Variants in CADM2 observed in about 807,000 individuals in gnomAD.
The protein encoded by CADM2 is cell adhesion molecule 2, also known as immunoglobulin superfamily member 4D.
Under a neutral mutation model 49.8 loss-of-function variants are expected in CADM2, and 12 were observed. The observed-to-expected ratio is 0.24, with a 90% CI of 0.15 to 0.39. CADM2 has a LOEUF of 0.39. Among genes scored for constraint, CADM2 ranks in the 10% least tolerant of loss-of-function variants. The pLI is 1.00. For synonymous variants in CADM2, 214 were observed against 175.4 expected (o/e 1.22, Z -1.74); for missense variants, 378 against 492.3 (o/e 0.77, Z 2.20).
At chr3:85,031,320 G>A (rs2034967852) in intron 1 of CADM2, among the ~76,000 whole-genome samples, 2 of 152,180 alleles carry the variant, frequency 1.3e-5, no homozygotes, top group African/African-American at 4.8e-5. Context: ...GCAGGTAAGA[G>A]AAGGCTGGAA....
chr3:85,582,233 A>G (rs2062820628), intron 1 of CADM2, among the ~76,000 whole-genome samples: 1 of 152,034 alleles, frequency 6.6e-6, no homozygotes, highest in African/African-American at 2.4e-5. Context: ...CCTTAATTTG[A>G]AGTTCTAATA....
chr3:85,665,479 C>T (rs1299065380), intron 1 of CADM2, among the ~76,000 whole-genome samples: 1 of 151,868 alleles, frequency 6.6e-6, no homozygotes, highest in Non-Finnish European at 1.5e-5. Flanking sequence ...TTTTTAGTAA[C>T]AGTTAATTTT....
chr3:85,460,691 T>C (rs1377863214), intron 1 of CADM2, among the ~76,000 whole-genome samples: 1 of 151,990 alleles, frequency 6.6e-6, no homozygotes, highest in Admixed American at 6.6e-5. Context: ...TCTTAACTAC[T>C]ATGTTTGGAA....
chr3:86,062,678 C>G, intron 8 of CADM2, among the ~76,000 whole-genome samples: 1 of 152,086 alleles, frequency 6.6e-6, no homozygotes, highest in East Asian at 1.9e-4. Flanking sequence ...GTAATCCCAG[C>G]TACTTGGAAG....
At chr3:85,356,981 G>A (rs913996935) in intron 1 of CADM2, among the ~76,000 whole-genome samples, 1 of 152,092 alleles carries the variant, frequency 6.6e-6, no homozygotes, top group Non-Finnish European at 1.5e-5. Context: ...ATGAAGATTA[G>A]TTGGTACCAG....
intron 1 of CADM2, among the ~76,000 whole-genome samples, chr3:85,628,544 T>TATATATAC (rs1422625789): frequency 1.3e-3 from 47 of 36,708 alleles, no homozygotes; most frequent in African/African-American, 3.5e-3. Context: ...TATATACACA[T>TATATATAC]ATATATACAC....
At chr3:85,535,361 C>T (rs1314482462) in intron 1 of CADM2, among the ~76,000 whole-genome samples, 1 of 152,042 alleles carries the variant, frequency 6.6e-6, no homozygotes, top group Non-Finnish European at 1.5e-5. Flanking sequence ...TCTCTGTTTC[C>T]AACGCCTCCA....
At chr3:85,534,796 C>G (rs1371096100) in intron 1 of CADM2, among the ~76,000 whole-genome samples, 5 of 152,080 alleles carry the variant, frequency 3.3e-5, no homozygotes, top group African/African-American at 1.2e-4. Flanking sequence ...TTCAAGGTCT[C>G]TATCTTCTAT....
intron 7 of CADM2, among the ~76,000 whole-genome samples, chr3:85,945,873 C>T (rs1722616774): frequency 6.6e-6 from 1 of 152,032 alleles, no homozygotes; most frequent in African/African-American, 2.4e-5. Context: ...TGGCACAAGA[C>T]AGGGATGCCC....
intron 1 of CADM2, among the ~76,000 whole-genome samples, chr3:85,431,575 G>A (rs1453753865): frequency 6.6e-6 from 1 of 151,654 alleles, no homozygotes; most frequent in Admixed American, 6.6e-5. Context: ...CAGTGAAGCA[G>A]CAAATTTGTG....
At chr3:85,031,745 C>G (rs951598252) in intron 1 of CADM2, among the ~76,000 whole-genome samples, 3 of 152,050 alleles carry the variant, frequency 2.0e-5, no homozygotes, top group Admixed American at 6.5e-5. Flanking sequence ...TGGTCTCGAT[C>G]TGCTGACCTC....
chr3:85,838,560 T>A (rs1341795196), intron 3 of CADM2, among the ~76,000 whole-genome samples: 4 of 151,860 alleles, frequency 2.6e-5, no homozygotes, highest in African/African-American at 9.7e-5. Flanking sequence ...GGTTATAATA[T>A]ACTTTTTTGG....
intron 1 of CADM2, among the ~76,000 whole-genome samples, chr3:85,147,441 A>ACT (rs1212129909): frequency 1.3e-5 from 2 of 152,110 alleles, no homozygotes; most frequent in African/African-American, 4.8e-5. Flanking sequence ...CTTGGGAGTT[A>ACT]AACTGTACTC....
At chr3:85,601,466 A>G (rs979211765) in intron 1 of CADM2, among the ~76,000 whole-genome samples, 5 of 151,286 alleles carry the variant, frequency 3.3e-5, no homozygotes, top group Non-Finnish European at 5.9e-5. Flanking sequence ...AATGTGTAAC[A>G]TCACATAAAA....
chr3:85,950,206 C>T (rs962385283), intron 7 of CADM2, among the ~76,000 whole-genome samples: 1 of 151,164 alleles, frequency 6.6e-6, no homozygotes, highest in African/African-American at 2.4e-5. Flanking sequence ...TGAATGCTTA[C>T]TCAAGATATT....
rs576051400 is a variant in CADM2 at position 85,530,492 on chromosome 3, T to G, written c.62-196030T>G. On this transcript the variant is annotated intron_variant, in intron 1 of 9. Transcript: ENST00000383699. ...ACTACAGGCGCCCGCCACCACACCC[T>G]GCTAATTTTTGTATTTTCAGTAGAG... 2.2e-4 allele frequency among the ~76,000 whole-genome samples: 33 copies of G among 151,844 alleles called. No homozygotes were observed. In the South Asian group the frequency reaches 3.8e-3, roughly 17 times the overall value.
chr3:85,212,847 T>C (rs146320781), intron 1 of CADM2, among the ~76,000 whole-genome samples: 165 of 120,990 alleles, frequency 1.4e-3, no homozygotes, highest in African/African-American at 4.5e-3. Context: ...TCTTTCTTTC[T>C]TTCTTTCTTT....
intron 1 of CADM2, among the ~76,000 whole-genome samples, chr3:85,581,935 T>C (rs1312722850): frequency 6.6e-6 from 1 of 152,108 alleles, no homozygotes; most frequent in Non-Finnish European, 1.5e-5. Flanking sequence ...TGTTTTGTTT[T>C]GTTTTGTTTT....
chr3:85,852,427 T>C (rs1362276971), intron 3 of CADM2, among the ~76,000 whole-genome samples: 1 of 152,134 alleles, frequency 6.6e-6, no homozygotes, highest in African/African-American at 2.4e-5. Context: ...TTAAGATGTG[T>C]AACACTCTAG....
Sources: gnomAD v4.1 joint callset for allele counts (sites outside exome capture counted in the v4.1 genomes callset) on GRCh38, gnomAD v4.1.1 for gene constraint, MANE v1.5 for transcripts, NCBI Gene and HGNC (gene_info 2026-07-23, HGNC 2026-07-21) for gene names.